The following MYH2 variants were observed in gnomAD, a reference collection of about 807,000 sequenced individuals.
MYH2 encodes the protein myosin heavy chain 2.
In MYH2, 139 loss-of-function variants were observed where a neutral mutation model predicts 228.1. The observed-to-expected ratio is 0.61, with a 90% CI of 0.53 to 0.70. MYH2 has a LOEUF of 0.70. Ranked by LOEUF, MYH2 falls within the 30% of genes least tolerant of loss-of-function variation. The pLI is 0.00. For synonymous variants in MYH2, 796 were observed against 871.1 expected, an observed-to-expected ratio of 0.91 and a Z score of 1.52; for missense variants, 1,809 against 2,357.5, an observed-to-expected ratio of 0.77 and a Z score of 4.82.
In MYH2 at chr17:10,545,495, G is replaced by A; in HGVS notation, c.356C>T (p.Ser119Leu). 1 of 1,614,046 alleles carries A rather than the reference G, an allele frequency of 6.2e-7. No individual in the cohort carries two copies. The highest frequency in any genetic ancestry group is 8.5e-7 in the Non-Finnish European group (1 of 1,179,894). The change falls in exon 5 of 40, where the codon TCA becomes TTA. Residue 119 changes from serine to leucine, a missense_variant. Physicochemically the swap from Ser to Leu is moderately radical, Grantham distance 145. Around this residue, in one of 9 missense-constraint regions of MYH2, gnomAD observed 373 missense variants for 620.4 expected, o/e 0.60. Transcript: ENST00000245503. ...RYAAWMIYTY[S>L]GLFCVTVNPY... ...GTTGACAGTGACACAGAAGAGACCT[G>A]AATAGGTCTATGAGAAGGAAAAAGA...
Position 10,542,956 on chromosome 17 carries a change from T to G in MYH2, c.823A>C (p.Arg275=), listed in dbSNP as rs1205375069. The G allele has an allele frequency of 6.2e-7, 1 of 1,612,038 alleles. No individual in the cohort carries two copies. Residue 275 remains arginine (R), a synonymous_variant, in exon 10 of 40, where the codon AGA becomes CGA. Transcript: ENST00000245503. The stretch of plus-strand genomic sequence containing the variant: ...TCAGCCTTAAGCTGGAAAACAACTC[T>G]AGACTTCTCTAGCAGATCTGGAAGG... ...DIETYLLEKS[R]VVFQLKAERS... is the part of the protein sequence containing the mutation.
chr17:10,547,895 A>G lies in MYH2; in HGVS notation c.26T>C (p.Val9Ala). The G allele has an allele frequency of 6.2e-7, 1 of 1,614,120 alleles. No homozygotes were observed. The highest frequency in any genetic ancestry group is 8.5e-7 in the Non-Finnish European group (1 of 1,180,028). ...GAGGAAAGGAGCAGCCTCCCCAAAA[A>G]CAGCCAATTCTGAGTCTGAACTCAT... The part of the protein sequence containing the change: MSSDSELA[V>A]FGEAAPFLRK... The change falls in exon 3 of 40, where the codon GTT (valine) becomes GCT (alanine). Residue 9 changes from valine (V) to alanine (A), a missense_variant. Around this residue, in one of 9 missense-constraint regions of MYH2, gnomAD observed 84 missense variants for 81.8 expected, o/e 1.03. Coordinates refer to ENST00000245503, the MANE Select transcript of MYH2 (RefSeq NM_017534.6).
In MYH2 at chr17:10,529,746, A is replaced by C. The variant is rs751299754; in HGVS notation, c.2941-6T>G. On this transcript the variant is annotated splice_region_variant and splice_polypyrimidine_tract_variant and intron_variant, in intron 23 of 39. Coordinates refer to ENST00000245503, the MANE Select transcript of MYH2 (RefSeq NM_017534.6). ...TCTTCTGTGAGGTTTTTCACCTACAAAGGTGAAGAAAGCAGTTTAGTTGCT... is the reference window on the plus strand; with the variant it reads ...TCTTCTGTGAGGTTTTTCACCTACACAGGTGAAGAAAGCAGTTTAGTTGCT... 1 of 1,614,000 alleles carries C rather than the reference A, an allele frequency of 6.2e-7. No individual in the cohort carries two copies. Among genetic ancestry groups the C allele is most frequent in the South Asian group, 1.1e-5 (1 of 91,068 alleles).
chr17:10,536,364 G>A (rs1247224799), intron 17 of MYH2, among the ~76,000 whole-genome samples, 166 bp downstream of exon 17: 2 of 152,052 alleles, frequency 1.3e-5, no homozygotes, highest in Admixed American at 6.5e-5. Flanking sequence ...TTTGCCCAGC[G>A]AGATGTCAAA....
chr17:10,543,290 G>A, intron 8 of MYH2, 129 bp from the exon 9 acceptor site: 1 of 696,542 alleles, frequency 1.4e-6, no homozygotes, highest in Non-Finnish European at 2.4e-6. Flanking sequence ...GGTAGAAAAA[G>A]GTGTATCTCC....
rs567336764 is a variant in MYH2 at position 10,525,450 on chromosome 17, C to A, written c.4537+1G>T. On this transcript the variant is annotated splice_donor_variant, in intron 32 of 39. Transcript: ENST00000245503. LOFTEE classifies it high-confidence loss of function. This position sits in a 1 kb window ranked among gnomAD's most constrained non-coding sequence, Gnocchi z 4.2. ...TATTATTGAATATGATAGGGACTTA[C>A]GCTGTAAGTTTTTGTTCTCTCGCTT... 6.2e-7 allele frequency: 1 copy of A among 1,614,098 alleles called. No homozygotes were observed. Among genetic ancestry groups the A allele is most frequent in the Non-Finnish European group, 8.5e-7 (1 of 1,180,012 alleles).
intron 4 of MYH2, among the ~76,000 whole-genome samples, chr17:10,546,980 A>G (rs1383130195): frequency 6.6e-6 from 1 of 151,410 alleles, no homozygotes; most frequent in Non-Finnish European, 1.5e-5. Flanking sequence ...AATCCCAGCT[A>G]CTCTGGAGGC....
At chr17:10,522,468 T>G (rs913280581) in intron 39 of MYH2, among the ~76,000 whole-genome samples, 2 of 152,130 alleles carry the variant, frequency 1.3e-5, no homozygotes, top group Admixed American at 6.5e-5. Flanking sequence ...CAAATATTAC[T>G]GAAGTTATCA....
Position 10,524,389 on chromosome 17 carries a change from G to A in MYH2, c.5175+77C>T. 6.3e-7 allele frequency: 1 copy of A among 1,578,192 alleles called. No individual in the cohort carries two copies. Among genetic ancestry groups the A allele is most frequent in the South Asian group, 1.1e-5 (1 of 90,270 alleles). On this transcript the variant is annotated intron_variant, in intron 35 of 39. Coordinates refer to ENST00000245503, the MANE Select transcript of MYH2 (RefSeq NM_017534.6). The surrounding 1 kb of genome is among the most constrained non-coding windows in gnomAD (Gnocchi z 4.7). ...TTTGATAGACATATTAGGTCTAGCT[G>A]TCTTATGAAAACTCAGGCTTATCTA...
At position 10,533,645 on chromosome 17, in the gene MYH2, A is replaced by G. The variant is rs2073450800; in HGVS notation, c.2181-13T>C. On this transcript the variant is annotated splice_polypyrimidine_tract_variant and intron_variant, in intron 19 of 39. Transcript: ENST00000245503. The stretch of plus-strand genomic sequence containing the variant: ...TAATACCTTGTATCTGTTGAAGTAC[A>G]TATAGCTTTTAACAACTAGTTTACT... 2 of 1,613,804 alleles carry G rather than the reference A, an allele frequency of 1.2e-6. No individual in the cohort carries two copies. The highest frequency in any genetic ancestry group is 1.7e-5 in the Admixed American group (1 of 60,014).
chr17:10,540,541 C>A, intron 11 of MYH2, 53 bp downstream of exon 11: 1 of 1,411,062 alleles, frequency 7.1e-7, no homozygotes, highest in South Asian at 1.2e-5. Context: ...TTATCTGGAT[C>A]ACCATTACTC....
intron 27 of MYH2, 83 bp from the exon 28 acceptor site, chr17:10,527,957 C>T (rs753329875): frequency 1.8e-4 from 271 of 1,486,608 alleles, no homozygotes; most frequent in Non-Finnish European, 2.2e-4. Context: ...AACTTCTCCC[C>T]AAAATAAAAA....
rs371861996 is a variant in MYH2, at chr17:10,528,679, A to C, written c.3744+11T>G. The C allele has an allele frequency of 1.3e-5, 21 of 1,613,866 alleles. No homozygotes were observed. Among genetic ancestry groups the C allele is most frequent in the Non-Finnish European group, 1.8e-5 (21 of 1,179,894 alleles). ...TTATTTTCAATAACAATTTCCCAGA[A>C]TTTGTAGTACCTTGGCTTTGGAGAC... On this transcript the variant is annotated intron_variant, in intron 27 of 39. Transcript: ENST00000245503.
At chr17:10,542,387 A>G (rs998429015) in intron 10 of MYH2, among the ~76,000 whole-genome samples, 2 of 152,362 alleles carry the variant, frequency 1.3e-5, no homozygotes, top group Non-Finnish European at 2.9e-5. Flanking sequence ...ATTGGAAATA[A>G]TCTATCTGTA....
rs567382199 is a variant in MYH2, at chr17:10,546,255, TGATATATATATA to T, written c.349-765_349-754del. Among the ~76,000 whole-genome samples the T allele has an allele frequency of 1.6e-3, 43 of 27,158 alleles. 1 individual carries two copies. The highest frequency in any genetic ancestry group is 6.8e-3 in the African/African-American group (36 of 5,320). The allele number at this position is 27,158 out of a possible 152,430, so 17.8% of individuals were successfully genotyped here. A position where few individuals can be genotyped will look rare whatever the true frequency, so the allele number is the denominator to read the frequency against. On this transcript the variant is annotated intron_variant, in intron 4 of 39. Coordinates refer to ENST00000245503, the MANE Select transcript of MYH2 (RefSeq NM_017534.6). ...AGTTATAAGGAAACAGGACACGAAA[TGATATATATATA>T]TATATATATATATATATATATACAT...
chr17:10,525,880 G>A lies in MYH2; in HGVS notation c.4188-4C>T, dbSNP rs770677072. Reference sequence around the variant, plus strand: ...CAGCCGCTGGGCCAGCTTCTTCCTTGAATATTATACATGTTTTCAGAGAGA... The same window carrying A: ...CAGCCGCTGGGCCAGCTTCTTCCTTAAATATTATACATGTTTTCAGAGAGA... On this transcript the variant is annotated splice_polypyrimidine_tract_variant and splice_region_variant and intron_variant, in intron 30 of 39. Coordinates refer to ENST00000245503, the MANE Select transcript of MYH2 (RefSeq NM_017534.6). This position sits in a 1 kb window ranked among gnomAD's most constrained non-coding sequence, Gnocchi z 4.2. 2 of 1,613,906 alleles carry A rather than the reference G, an allele frequency of 1.2e-6. No homozygotes were observed. Among genetic ancestry groups the A allele is most frequent in the Non-Finnish European group, 1.7e-6 (2 of 1,179,850 alleles).
rs776560674 is a variant in MYH2 at position 10,547,691 on chromosome 17, T to G, written c.204+26A>C. 9.3e-6 allele frequency: 15 copies of G among 1,614,078 alleles called. No homozygotes were observed. In the East Asian group the frequency reaches 3.1e-4, roughly 34 times the overall value. On this transcript the variant is annotated intron_variant, in intron 3 of 39. Transcript: ENST00000245503. ...AACAACAACAAAAATCAATAAAATG[T>G]GGCAAGCTCCTGGGATTCTACTCAC... is the stretch of plus-strand genomic sequence containing the variant.
intron 11 of MYH2, 109 bp from the exon 12 acceptor site, chr17:10,540,175 A>T: frequency 6.9e-7 from 1 of 1,449,046 alleles, no homozygotes; most frequent in Non-Finnish European, 9.7e-7. Flanking sequence ...CTAATGGGAG[A>T]CAAGGAACCC....
rs967041053 is a variant in MYH2, at chr17:10,525,127, C to T, written c.4663-62G>A. On this transcript the variant is annotated intron_variant, in intron 33 of 39. Coordinates refer to ENST00000245503, the MANE Select transcript of MYH2 (RefSeq NM_017534.6). This position sits in a 1 kb window ranked among gnomAD's most constrained non-coding sequence, Gnocchi z 4.2. ...AAAAGCTTTATGAAGTTTTTCTGCA[C>T]AGCAATAATTTTGTGCTATGTGTCT... is the stretch of plus-strand genomic sequence containing the variant. 54 of 1,613,864 alleles carry T rather than the reference C, an allele frequency of 3.3e-5. 1 individual carries two copies. The highest frequency in any genetic ancestry group is 3.3e-4 in the Middle Eastern group (2 of 6,082).
Sources: gnomAD v4.1 joint callset for allele counts (sites outside exome capture counted in the v4.1 genomes callset) on GRCh38, gnomAD v4.1.1 for gene constraint, gnomAD v4.1.1 regional missense constraint, Gnocchi (gnomAD v3.1) non-coding constraint, MANE v1.5 for transcripts, NCBI Gene and HGNC (gene_info 2026-07-23, HGNC 2026-07-21) for gene names.